Variants in SMURF2 observed in about 807,000 individuals in gnomAD.
SMURF2 encodes E3 ubiquitin-protein ligase SMURF2.
Under a neutral mutation model 109.6 loss-of-function variants are expected in SMURF2, and 48 were observed. The observed-to-expected ratio is 0.44, with a 90% CI of 0.35 to 0.56. The LOEUF is 0.56. SMURF2 is among the 20% of genes least tolerant of loss of function. The pLI, the probability that SMURF2 is intolerant of heterozygous loss-of-function variation, is 0.01. For synonymous variants in SMURF2, 288 were observed against 317.1 expected (o/e 0.91, Z 0.97); for missense variants, 575 against 909.0 (o/e 0.63, Z 4.72).
At chr17:64,592,017 C>G (rs1555687737) in intron 4 of SMURF2, among the ~76,000 whole-genome samples, 1 of 152,152 alleles carries the variant, frequency 6.6e-6, no homozygotes, top group African/African-American at 2.4e-5. Context: ...CTTATCCAAC[C>G]AAAAATACAG....
intron 1 of SMURF2, among the ~76,000 whole-genome samples, chr17:64,616,586 C>T (rs1359565384): frequency 1.3e-5 from 2 of 149,114 alleles, no homozygotes; most frequent in African/African-American, 2.5e-5. Context: ...ACCCAGGAGG[C>T]GGAGGTTACA....
chr17:64,638,434 C>G (rs575044270), intron 1 of SMURF2, among the ~76,000 whole-genome samples: 1 of 152,330 alleles, frequency 6.6e-6, no homozygotes, highest in Admixed American at 6.5e-5. Flanking sequence ...CTCCTGACCT[C>G]AAGTGATCTG....
At chr17:64,584,015 A>G (rs1969612467) in intron 6 of SMURF2, among the ~76,000 whole-genome samples, 1 of 152,014 alleles carries the variant, frequency 6.6e-6, no homozygotes, top group Non-Finnish European at 1.5e-5. Context: ...AAAAATGAAG[A>G]CTATTGGCTG....
intron 1 of SMURF2, among the ~76,000 whole-genome samples, chr17:64,623,188 T>A (rs903022868): frequency 1.3e-5 from 2 of 152,088 alleles, no homozygotes; most frequent in Admixed American, 1.3e-4. Context: ...ATTACCAAAT[T>A]TAAACATCCA....
chr17:64,557,745 G>C, intron 12 of SMURF2, 23 bp from the exon 13 acceptor site: 1 of 1,429,936 alleles, frequency 7.0e-7, no homozygotes, highest in Non-Finnish European at 9.7e-7. Context: ...ATATGACCAA[G>C]GAATTTTTTT....
chr17:64,656,982 C>A (rs1038782237), intron 1 of SMURF2, among the ~76,000 whole-genome samples: 3 of 152,180 alleles, frequency 2.0e-5, no homozygotes, highest in Non-Finnish European at 4.4e-5. Context: ...TAGAGCCTCA[C>A]CTCTTGCCAC....
intron 12 of SMURF2, 79 bp downstream of exon 12, chr17:64,561,421 G>A: frequency 2.2e-6 from 2 of 900,696 alleles, no homozygotes; most frequent in Non-Finnish European, 3.5e-6. Context: ...ATGTCGATGA[G>A]AAAGTTACAC....
At chr17:64,653,295 G>T (rs1970662718) in intron 1 of SMURF2, among the ~76,000 whole-genome samples, 1 of 151,998 alleles carries the variant, frequency 6.6e-6, no homozygotes, top group Admixed American at 6.6e-5. Flanking sequence ...ATTAAAATGT[G>T]CTTAAAACTG....
chr17:64,619,036 G>C (rs1555690350), intron 1 of SMURF2, among the ~76,000 whole-genome samples: 1 of 152,070 alleles, frequency 6.6e-6, no homozygotes, highest in Non-Finnish European at 1.5e-5. Flanking sequence ...GCCACCTCAT[G>C]GTGTTGTTTT....
chr17:64,660,349 T>C (rs374276376), intron 1 of SMURF2, among the ~76,000 whole-genome samples: 6 of 152,154 alleles, frequency 3.9e-5, no homozygotes, highest in South Asian at 4.1e-4. Context: ...AGATCCCCTA[T>C]AAAGGTTTCC....
chr17:64,656,491 G>A (rs1568212919), intron 1 of SMURF2, among the ~76,000 whole-genome samples: 1 of 152,126 alleles, frequency 6.6e-6, no homozygotes, highest in Non-Finnish European at 1.5e-5. Context: ...AATGCAATTA[G>A]CTTATACTTA....
chr17:64,586,239 A>G, intron 5 of SMURF2, 69 bp from the exon 6 acceptor site: 1 of 1,041,136 alleles, frequency 9.6e-7, no homozygotes, highest in South Asian at 1.6e-5. Flanking sequence ...TAAAATTTCT[A>G]TCTTCAGAAG....
intron 9 of SMURF2, among the ~76,000 whole-genome samples, chr17:64,574,069 A>C (rs1402140925): frequency 6.6e-6 from 1 of 152,176 alleles, no homozygotes; most frequent in East Asian, 1.9e-4. Context: ...CTGTACAACA[A>C]ACCCTCATGA....
chr17:64,545,788 G>A lies in SMURF2; in HGVS notation c.*60C>T, dbSNP rs1268767519. On this transcript the variant is annotated 3_prime_UTR_variant, in exon 19 of 19. Transcript: ENST00000262435. ...TCAGCATATTCTTTGAAACTCTGCT[G>A]AAAGGAGGCTGTCAGTCAGGGTTGT... 7 of 707,164 alleles carry A rather than the reference G, an allele frequency of 9.9e-6. No homozygotes were observed. The highest frequency in any genetic ancestry group is 3.8e-5 in the East Asian group (1 of 26,602). The allele number at this position is 707,164 out of a possible 1,614,324, so 43.8% of individuals were successfully genotyped here. A position where few individuals can be genotyped will look rare whatever the true frequency, so the allele number is the denominator to read the frequency against.
chr17:64,645,050 A>G (rs968504199), intron 1 of SMURF2, among the ~76,000 whole-genome samples: 11 of 151,904 alleles, frequency 7.2e-5, no homozygotes, highest in African/African-American at 2.4e-4. Flanking sequence ...TTCGACAGGA[A>G]GACTAGGTGG....
intron 1 of SMURF2, among the ~76,000 whole-genome samples, chr17:64,610,783 T>A (rs1970033612): frequency 6.6e-6 from 1 of 152,140 alleles, no homozygotes; most frequent in Admixed American, 6.5e-5. Flanking sequence ...AAGAACTGCC[T>A]ACACTTTTTG....
chr17:64,570,877 C>T (rs1555685492), intron 10 of SMURF2, among the ~76,000 whole-genome samples: 8 of 152,172 alleles, frequency 5.3e-5, no homozygotes. Flanking sequence ...ACCTCCTGAG[C>T]TCAAGAGATC....
intron 1 of SMURF2, among the ~76,000 whole-genome samples, chr17:64,652,645 C>A (rs538673660): frequency 6.6e-6 from 1 of 152,288 alleles, no homozygotes; most frequent in Non-Finnish European, 1.5e-5. Flanking sequence ...CTGCCACACA[C>A]CTGGCTAATT....
chr17:64,622,320 T>C (rs1315097786), intron 1 of SMURF2, among the ~76,000 whole-genome samples: 2 of 152,090 alleles, frequency 1.3e-5, no homozygotes, highest in Admixed American at 6.6e-5. Context: ...TATGGGACAT[T>C]TGTCACAATT....
Sources: allele counts gnomAD v4.1 joint callset (sites outside exome capture counted in the v4.1 genomes callset), GRCh38; gene constraint gnomAD v4.1.1; transcripts MANE v1.5; gene names NCBI Gene and HGNC (gene_info 2026-07-23, HGNC 2026-07-21).